Variants in GRTP1 observed in about 807,000 individuals in gnomAD.
GRTP1 encodes the protein growth hormone regulated TBC protein 1.
In GRTP1, 56 loss-of-function variants were observed where a neutral mutation model predicts 38.1. The ratio of observed to expected loss-of-function variants is 1.47; its 90% confidence interval spans 1.19 to 1.84. The LOEUF is 1.84. GRTP1 is among the 40% of genes most tolerant of loss of function. The pLI is 0.00. For missense variants in GRTP1, 506 were observed against 453.9 expected, an observed-to-expected ratio of 1.11 and a Z score of -1.04; for synonymous variants, 217 against 189.5, an observed-to-expected ratio of 1.14 and a Z score of -1.19.
At position 113,349,588 on chromosome 13, in the gene GRTP1, G is replaced by A. The variant is rs912360459; in HGVS notation, c.465+1261C>T. ...AGGAGGGACTCTCCCAGCTTCACCC[G>A]ACACGGCACTGCCAGCCAGCTACAG... is the stretch of plus-strand genomic sequence containing the variant. On this transcript the variant is annotated intron_variant, in intron 4 of 7. Transcript: ENST00000375431. The surrounding 1 kb of genome is among the most constrained non-coding windows in gnomAD (Gnocchi z 5.0). Among the ~76,000 whole-genome samples, 8 of 152,218 alleles carry A rather than the reference G, an allele frequency of 5.3e-5. No individual in the cohort carries two copies. The highest frequency in any genetic ancestry group is 7.4e-5 in the Non-Finnish European group (5 of 68,024).
chr13:113,347,427 A>C (rs55775959), intron 4 of GRTP1, among the ~76,000 whole-genome samples: 18 of 100,684 alleles, frequency 1.8e-4, no homozygotes, highest in East Asian at 5.2e-4. Flanking sequence ...TGGACCCGGG[A>C]GGACCTCTGT....
intron 5 of GRTP1, among the ~76,000 whole-genome samples, chr13:113,327,398 T>C (rs1367116669): frequency 6.6e-6 from 1 of 152,210 alleles, no homozygotes; most frequent in Non-Finnish European, 1.5e-5. Flanking sequence ...CAGGCTGGTC[T>C]CGAACTCCTG....
At position 113,325,651 on chromosome 13, in the gene GRTP1, C is replaced by T. The variant is rs1287266840; in HGVS notation, c.921+10G>A. On this transcript the variant is annotated intron_variant, in intron 7 of 7. Coordinates refer to ENST00000375431, the MANE Select transcript of GRTP1 (RefSeq NM_024719.4). The stretch of plus-strand genomic sequence containing the variant: ...TGGGAGGGGACTGAGCCACGTGCAG[C>T]CCCACACACCTGCATAAACGTGTGA... 2.5e-6 allele frequency: 4 copies of T among 1,602,620 alleles called. No individual in the cohort carries two copies. Among genetic ancestry groups the T allele is most frequent in the South Asian group, 1.1e-5 (1 of 91,074 alleles).
At chr13:113,328,661 A>G (rs2042811304) in intron 5 of GRTP1, among the ~76,000 whole-genome samples, 1 of 152,232 alleles carries the variant, frequency 6.6e-6, no homozygotes, top group South Asian at 2.1e-4. Flanking sequence ...CTGGGACCAC[A>G]GGTGTGCACC....
At chr13:113,331,480 G>A (rs1366558532) in intron 5 of GRTP1, among the ~76,000 whole-genome samples, 1 of 152,042 alleles carries the variant, frequency 6.6e-6, no homozygotes, top group South Asian at 2.1e-4. Flanking sequence ...GGAGCCACCC[G>A]GGTGCCCACC....
chr13:113,324,747 G>A, intron 7 of GRTP1, 170 bp from the exon 8 acceptor site: 2 of 1,404,558 alleles, frequency 1.4e-6, no homozygotes, highest in Non-Finnish European at 1.8e-6. Context: ...CTCCTGCCCT[G>A]GGGCCTAGGA....
chr13:113,345,957 C>A lies in GRTP1; in HGVS notation c.466-998G>T, dbSNP rs145863597. On this transcript the variant is annotated intron_variant, in intron 4 of 7. Coordinates refer to ENST00000375431, the MANE Select transcript of GRTP1 (RefSeq NM_024719.4). ...GAAATGCTGGGAAGACCTCTGTGGCCAAAAGCAGACCCAGGAGGACTTTTG... is the reference window on the plus strand; with the variant it reads ...GAAATGCTGGGAAGACCTCTGTGGCAAAAAGCAGACCCAGGAGGACTTTTG... Among the ~76,000 whole-genome samples the A allele has an allele frequency of 3.7e-3, 561 of 151,536 alleles. 1 individual carries two copies. The highest frequency in any genetic ancestry group is 0.012 in the African/African-American group (486 of 41,242).
At chr13:113,332,153 C>T (rs1474174774) in intron 5 of GRTP1, among the ~76,000 whole-genome samples, 1 of 152,094 alleles carries the variant, frequency 6.6e-6, no homozygotes, top group African/African-American at 2.4e-5. Context: ...CAAAGAACCC[C>T]CACATCCCCA....
At chr13:113,347,414 C>G (rs1262038640) in intron 4 of GRTP1, among the ~76,000 whole-genome samples, 47 of 17,346 alleles carry the variant, frequency 2.7e-3, no homozygotes, top group East Asian at 5.5e-3. Flanking sequence ...CTGTGGCTGA[C>G]AGTGGACCCG....
intron 5 of GRTP1, among the ~76,000 whole-genome samples, chr13:113,334,787 C>CT (rs1232943946): frequency 6.6e-6 from 1 of 152,126 alleles, no homozygotes; most frequent in Non-Finnish European, 1.5e-5. Context: ...GACTGATGGC[C>CT]TTTTCCTCTT....
intron 5 of GRTP1, among the ~76,000 whole-genome samples, chr13:113,326,391 GC>G (rs2042773450): frequency 1.3e-5 from 1 of 74,194 alleles, no homozygotes; most frequent in Admixed American, 1.1e-4. Context: ...GGGGGGGGGG[GC>G]GGGAGCGTGG....
chr13:113,328,832 C>T (rs559319493), intron 5 of GRTP1, among the ~76,000 whole-genome samples: 1 of 152,236 alleles, frequency 6.6e-6, no homozygotes, highest in African/African-American at 2.4e-5. Flanking sequence ...CTCCCTTTCC[C>T]TACCAGGAAA....
At chr13:113,332,608 G>A (rs548547274) in intron 5 of GRTP1, among the ~76,000 whole-genome samples, 115 of 152,284 alleles carry the variant, frequency 7.6e-4, no homozygotes, top group African/African-American at 2.6e-3. Context: ...CCCACCCGAC[G>A]GTCTTCAAGC....
intron 2 of GRTP1, among the ~76,000 whole-genome samples, chr13:113,362,316 T>TGAGA (rs2043513574): frequency 6.6e-6 from 1 of 151,510 alleles, no homozygotes; most frequent in African/African-American, 2.4e-5. Flanking sequence ...GGCGACAGAG[T>TGAGA]GAGACTCTGT....
chr13:113,331,210 G>T (rs923387263), intron 5 of GRTP1, among the ~76,000 whole-genome samples: 1 of 152,146 alleles, frequency 6.6e-6, no homozygotes, highest in East Asian at 1.9e-4. Context: ...GCCCAGCCCC[G>T]GCTTCCATCC....
At chr13:113,334,499 C>T (rs2042927978) in intron 5 of GRTP1, among the ~76,000 whole-genome samples, 1 of 152,216 alleles carries the variant, frequency 6.6e-6, no homozygotes, top group South Asian at 2.1e-4. Flanking sequence ...CACTGAACCA[C>T]TCTTGCGGAT....
intron 3 of GRTP1, among the ~76,000 whole-genome samples, chr13:113,354,560 C>T (rs1404815906): frequency 1.5e-4 from 22 of 149,252 alleles, no homozygotes; most frequent in East Asian, 1.4e-3. Context: ...TGGAGTTTCA[C>T]TCTTGTTGCC....
At chr13:113,337,758 C>A (rs904605922) in intron 5 of GRTP1, among the ~76,000 whole-genome samples, 1 of 152,236 alleles carries the variant, frequency 6.6e-6, no homozygotes, top group African/African-American at 2.4e-5. Flanking sequence ...GTGGCCCAGG[C>A]CACATGAGCA....
At chr13:113,354,081 TAAAA>T (rs1429550522) in intron 3 of GRTP1, among the ~76,000 whole-genome samples, 3 of 152,028 alleles carry the variant, frequency 2.0e-5, no homozygotes, top group East Asian at 1.9e-4. Flanking sequence ...TCATAAAAAA[TAAAA>T]AAATTCATCC....
Sources: allele counts gnomAD v4.1 joint callset (sites outside exome capture counted in the v4.1 genomes callset), GRCh38; gene constraint gnomAD v4.1.1; non-coding constraint Gnocchi (gnomAD v3.1); transcripts MANE v1.5; gene names NCBI Gene and HGNC (gene_info 2026-07-23, HGNC 2026-07-21).